The following OTUD6B variants were observed in gnomAD, a reference collection of about 807,000 sequenced individuals.
The protein encoded by OTUD6B is deubiquitinase OTUD6B.
In OTUD6B, 41 loss-of-function variants were observed where a neutral mutation model predicts 36.9. That is an observed-to-expected ratio of 1.11 (90% CI 0.87 to 1.44). The LOEUF is 1.44. Ranked by LOEUF, OTUD6B falls within the 40% of genes most tolerant of loss-of-function variation. The pLI is 0.00. For synonymous variants in OTUD6B, 114 were observed against 114.2 expected (o/e 1.00, Z 0.01); for missense variants, 356 against 344.8 (o/e 1.03, Z -0.26).
intron 5 of OTUD6B, 105 bp downstream of exon 5, chr8:91,080,835 A>C (rs1449882642): frequency 1.0e-5 from 8 of 789,828 alleles, no homozygotes; most frequent in South Asian, 6.9e-5. Context: ...CTCTTTGAAG[A>C]TTCCTTTTCT....
intron 3 of OTUD6B, among the ~76,000 whole-genome samples, chr8:91,077,542 C>A (rs1812825105): frequency 6.6e-6 from 1 of 151,956 alleles, no homozygotes; most frequent in African/African-American, 2.4e-5. Context: ...CCCCAACCTT[C>A]CCTATACACC....
chr8:91,076,592 G>A, intron 3 of OTUD6B: 1 of 1,530,762 alleles, frequency 6.5e-7, no homozygotes, highest in South Asian at 1.2e-5. Flanking sequence ...TCTGATTCAG[G>A]TGCCTGGATA....
intron 5 of OTUD6B, among the ~76,000 whole-genome samples, chr8:91,081,358 C>G (rs1812903626): frequency 7.0e-6 from 1 of 142,102 alleles, no homozygotes; most frequent in Non-Finnish European, 1.6e-5. Flanking sequence ...TTACTGTTAA[C>G]TTTGTTTTGT....
At chr8:91,077,472 G>A (rs888197562) in intron 3 of OTUD6B, among the ~76,000 whole-genome samples, 2 of 151,816 alleles carry the variant, frequency 1.3e-5, no homozygotes, top group Non-Finnish European at 2.9e-5. Context: ...AACATATAGT[G>A]CTTTCTGGCT....
At chr8:91,072,683 C>T (rs28750250) in intron 2 of OTUD6B, among the ~76,000 whole-genome samples, 79,931 of 151,944 alleles carry the variant, frequency 0.53, 21,892 homozygotes, top group South Asian at 0.67. Flanking sequence ...ATACTCCAGG[C>T]GTTAAATTGT....
chr8:91,073,666 A>C (rs1425012129), intron 2 of OTUD6B, 165 bp from the exon 3 acceptor site: 4 of 684,950 alleles, frequency 5.8e-6, no homozygotes, highest in Admixed American at 6.3e-5. Flanking sequence ...CTTCTTGGGA[A>C]CTTGTCAAAT....
chr8:91,076,600 A>G (rs1415109701), intron 3 of OTUD6B: 2 of 1,531,608 alleles, frequency 1.3e-6, no homozygotes, highest in Non-Finnish European at 1.7e-6. Context: ...AGGTGCCTGG[A>G]TAGAAGGAGC....
intron 2 of OTUD6B, among the ~76,000 whole-genome samples, chr8:91,073,048 C>G (rs1812728694): frequency 2.6e-5 from 4 of 152,126 alleles, no homozygotes; most frequent in Admixed American, 2.6e-4. Context: ...CCTAATTTCA[C>G]TATAGTTGAT....
rs1586210591 is a variant in OTUD6B, at chr8:91,084,978, A to T, written c.*110A>T. On this transcript the variant is annotated 3_prime_UTR_variant, in exon 7 of 7. Coordinates refer to ENST00000404789, the MANE Select transcript of OTUD6B (RefSeq NM_016023.5). ...CTGAAAAACACAACTACCTTATATCAGTTTTATGGCAAAGCTACTAACAGG... is the reference window on the plus strand; with the variant it reads ...CTGAAAAACACAACTACCTTATATCTGTTTTATGGCAAAGCTACTAACAGG... 2.4e-5 allele frequency: 11 copies of T among 452,324 alleles called. No individual in the cohort carries two copies. Among genetic ancestry groups the T allele is most frequent in the Non-Finnish European group, 4.0e-5 (10 of 252,912 alleles). 28.0% of individuals were successfully genotyped at this position (452,324 alleles called of 1,614,324 possible).
chr8:91,076,396 A>C (rs1294785852), intron 3 of OTUD6B: 12 of 891,222 alleles, frequency 1.3e-5, no homozygotes, highest in Non-Finnish European at 1.5e-5. Context: ...TTTCTTACCT[A>C]GTGCCCTGAA....
Position 91,080,680 on chromosome 8 carries a change from A to G in OTUD6B, c.640A>G (p.Lys214Glu). The change falls in exon 5 of 7, where the codon AAG becomes GAG. Residue 214 changes from lysine to glutamate, a missense_variant. By Grantham distance (56) the Lys-to-Glu change is moderately conservative (BLOSUM62 1). Transcript: ENST00000404789. ...GDMYTPEEFQKYCEDIVNTAA... is the reference protein window; with the variant it reads ...GDMYTPEEFQEYCEDIVNTAA... ...CCTAATCTCTACAGAAGAATTTCAG[A>G]AGTACTGTGAAGATATTGTAAACAC... 1 of 1,602,002 alleles carries G rather than the reference A, an allele frequency of 6.2e-7. No homozygotes were observed. Among genetic ancestry groups the G allele is most frequent in the Non-Finnish European group, 8.5e-7 (1 of 1,173,408 alleles).
At position 91,071,658 on chromosome 8, in the gene OTUD6B, G is replaced by C. The variant is rs539856629; in HGVS notation, c.234+369G>C. On this transcript the variant is annotated intron_variant, in intron 2 of 6. Transcript: ENST00000404789. ...CCACCGTGCCCGGCCCTGTTAAACT[G>C]TTTATTATCTAAAATCATAAAATTG... is the stretch of plus-strand genomic sequence containing the variant. 1.0e-3 allele frequency among the ~76,000 whole-genome samples: 157 copies of C among 152,224 alleles called. 2 individuals are homozygous for C. Among genetic ancestry groups the C allele is most frequent in the Non-Finnish European group, 2.2e-4 (15 of 67,986 alleles).
intron 3 of OTUD6B, 178 bp from the exon 4 acceptor site, chr8:91,078,178 A>AGAGAGTAAG (rs1491235669): frequency 7.3e-6 from 6 of 826,738 alleles, no homozygotes; most frequent in Non-Finnish European, 8.8e-6. Context: ...CAGATGAGTA[A>AGAGAGTAAG]GAGAGTAAGG....
At chr8:91,083,654 T>C (rs1194512293) in intron 5 of OTUD6B, among the ~76,000 whole-genome samples, 3 of 152,292 alleles carry the variant, frequency 2.0e-5, no homozygotes, top group Middle Eastern at 3.4e-3. Context: ...TTAAAATGTA[T>C]AAAATTACCT....
rs1812956465 is a variant in OTUD6B at position 91,083,990 on chromosome 8, C to A, written c.691-18C>A. ...TACATTTTTATTTTCCTTACTGATA[C>A]TTTTTTTCTTCCTATAGCTAAGAGC... On this transcript the variant is annotated intron_variant, in intron 5 of 6. Coordinates refer to ENST00000404789, the MANE Select transcript of OTUD6B (RefSeq NM_016023.5). The A allele has an allele frequency of 1.9e-6, 3 of 1,541,510 alleles. No homozygotes were observed. Among genetic ancestry groups the A allele is most frequent in the African/African-American group, 2.8e-5 (2 of 72,342 alleles).
At chr8:91,081,009 A>G (rs1248498771) in intron 5 of OTUD6B, among the ~76,000 whole-genome samples, 1 of 152,152 alleles carries the variant, frequency 6.6e-6, no homozygotes, top group East Asian at 1.9e-4. Context: ...TTTCATCGTG[A>G]TAGTAGTATT....
At chr8:91,076,551 A>G in intron 3 of OTUD6B, 1 of 1,527,026 alleles carries the variant, frequency 6.5e-7, no homozygotes, top group Non-Finnish European at 8.8e-7. Flanking sequence ...TGACATCATT[A>G]ACTCCAGCTC....
intron 6 of OTUD6B, 21 bp from the exon 7 acceptor site, chr8:91,084,759 CATTT>C: frequency 7.0e-7 from 1 of 1,435,272 alleles, no homozygotes; most frequent in South Asian, 1.4e-5. Flanking sequence ...CAAAACTACT[CATTT>C]CTTTTTTTTT....
At chr8:91,084,758 T>A in intron 6 of OTUD6B, 26 bp from the exon 7 acceptor site, 1 of 1,446,858 alleles carries the variant, frequency 6.9e-7, no homozygotes. Flanking sequence ...TCAAAACTAC[T>A]CATTTCTTTT....
Sources: allele counts gnomAD v4.1 joint callset (sites outside exome capture counted in the v4.1 genomes callset), GRCh38; gene constraint gnomAD v4.1.1; transcripts MANE v1.5; gene names NCBI Gene and HGNC (gene_info 2026-07-23, HGNC 2026-07-21).